EGFR: variants seen among roughly 807,000 people sequenced by gnomAD.
EGFR encodes the protein avian erythroblastic leukemia viral (v-erb-b) oncogene homolog.
Under a neutral mutation model 143.0 loss-of-function variants are expected in EGFR, and 58 were observed. That is an observed-to-expected ratio of 0.41 (90% CI 0.33 to 0.50). The LOEUF is 0.50. Ranked by LOEUF, EGFR falls within the 20% of genes least tolerant of loss-of-function variation. The pLI is 0.39. For missense variants in EGFR, 1,307 were observed against 1,579.0 expected, an observed-to-expected ratio of 0.83 and a Z score of 2.92; for synonymous variants, 613 against 594.4, an observed-to-expected ratio of 1.03 and a Z score of -0.45.
chr7:55,170,427 C>T (rs369256206), intron 15 of EGFR: 2 of 1,614,156 alleles, frequency 1.2e-6, no homozygotes, highest in Non-Finnish European at 8.5e-7. Flanking sequence ...AGGAGTCATG[C>T]TTAGGATGGA....
At chr7:55,021,418 T>C (rs1286229504) in intron 1 of EGFR, among the ~76,000 whole-genome samples, 2 of 152,250 alleles carry the variant, frequency 1.3e-5, no homozygotes, top group African/African-American at 4.8e-5. Context: ...TTCTTTGATG[T>C]TACTTGTTTG....
chr7:55,117,951 C>T (rs530217394), intron 1 of EGFR, among the ~76,000 whole-genome samples: 38 of 152,198 alleles, frequency 2.5e-4, no homozygotes, highest in African/African-American at 8.4e-4. Flanking sequence ...GAACTGGGCC[C>T]CCAGAAAAGG....
intron 1 of EGFR, among the ~76,000 whole-genome samples, chr7:55,067,834 A>G (rs1419065123): frequency 1.3e-5 from 2 of 151,094 alleles, no homozygotes; most frequent in East Asian, 1.9e-4. Context: ...ATGTGTGTGT[A>G]TGTGTGCACG....
chr7:55,076,236 A>G (rs1790124090), intron 1 of EGFR, among the ~76,000 whole-genome samples: 1 of 152,228 alleles, frequency 6.6e-6, no homozygotes, highest in Non-Finnish European at 1.5e-5. Context: ...TATGATTCTC[A>G]GTACAAATGA....
intron 1 of EGFR, among the ~76,000 whole-genome samples, chr7:55,054,732 C>T (rs1788691590): frequency 6.6e-6 from 1 of 152,224 alleles, no homozygotes. Context: ...CAGTGGGCAG[C>T]ACCGTGCCTC....
chr7:55,052,807 A>G (rs60503921), intron 1 of EGFR, among the ~76,000 whole-genome samples: 17,189 of 152,182 alleles, frequency 0.11, 2,124 homozygotes, highest in African/African-American at 0.31. Flanking sequence ...TGGCTTCTGG[A>G]GCACTGTAAT....
chr7:55,059,697 C>A (rs1470412589), intron 1 of EGFR, among the ~76,000 whole-genome samples: 1 of 151,886 alleles, frequency 6.6e-6, no homozygotes, highest in Non-Finnish European at 1.5e-5. Flanking sequence ...TCTTATTCTG[C>A]CTTATTGTAT....
At chr7:55,062,635 CAA>C (rs1020016059) in intron 1 of EGFR, among the ~76,000 whole-genome samples, 1 of 152,066 alleles carries the variant, frequency 6.6e-6, no homozygotes, top group Non-Finnish European at 1.5e-5. Context: ...GATAAGCAAC[CAA>C]AGAGTCCCAT....
rs1786377810 is a variant in EGFR, at chr7:55,019,384, G to A, written c.88+19G>A. The A allele has an allele frequency of 7.1e-6, 10 of 1,404,874 alleles. No homozygotes were observed. Among genetic ancestry groups the A allele is most frequent in the East Asian group, 6.7e-5 (2 of 30,066 alleles). 87.0% of individuals were successfully genotyped at this position (1,404,874 alleles called of 1,614,324 possible). On this transcript the variant is annotated intron_variant, in intron 1 of 27. Coordinates refer to ENST00000275493, the MANE Select transcript of EGFR (RefSeq NM_005228.5). ...AAGAAAGGTAAGGGCGTGTCTCGCCGGCTCCCGCGCCGCCCCCGGATCGCG... is the reference window on the plus strand; with the variant it reads ...AAGAAAGGTAAGGGCGTGTCTCGCCAGCTCCCGCGCCGCCCCCGGATCGCG...
rs2128964683 is a variant in EGFR, at chr7:55,191,849, A to G, written c.2600A>G (p.Lys867Arg). 1 of 1,614,010 alleles carries G rather than the reference A, an allele frequency of 6.2e-7. No individual in the cohort carries two copies. The highest frequency in any genetic ancestry group is 8.5e-7 in the Non-Finnish European group (1 of 1,180,018). Residue 867 changes from lysine (K) to arginine (R), a missense_variant, in exon 21 of 28, where the codon AAA becomes AGA. Transcript: ENST00000275493. ...GLAKLLGAEE[K>R]EYHAEGGKVP... ...GCCAAACTGCTGGGTGCGGAAGAGAAAGAATACCATGCAGAAGGAGGCAAA... is the reference window on the plus strand; with the variant it reads ...GCCAAACTGCTGGGTGCGGAAGAGAGAGAATACCATGCAGAAGGAGGCAAA...
intron 3 of EGFR, 95 bp downstream of exon 3, chr7:55,143,583 A>G: frequency 7.0e-7 from 1 of 1,427,930 alleles, no homozygotes; most frequent in South Asian, 1.2e-5. Context: ...CACCTCGGAG[A>G]AGGCTTTTAT....
intron 24 of EGFR, chr7:55,200,835 G>A (rs1787815037): frequency 2.1e-6 from 1 of 477,706 alleles, no homozygotes; most frequent in Non-Finnish European, 3.8e-6. Context: ...AAGCTCACAG[G>A]ATTGTCTCAA....
At chr7:55,096,771 C>T (rs921237828) in intron 1 of EGFR, among the ~76,000 whole-genome samples, 2 of 152,154 alleles carry the variant, frequency 1.3e-5, no homozygotes, top group African/African-American at 4.8e-5. Context: ...ACCTGTCAGC[C>T]CCTGCCAGCT....
At chr7:55,032,336 G>A (rs1438380290) in intron 1 of EGFR, among the ~76,000 whole-genome samples, 1 of 152,182 alleles carries the variant, frequency 6.6e-6, no homozygotes. Context: ...GTCTGAGGAC[G>A]CAGCTTAGCA....
chr7:55,204,748 CACAT>C lies in EGFR; in HGVS notation c.3272-500_3272-497del, dbSNP rs370369911. ...CACCACACACACACAACTCATACCA[CACAT>C]ACATACACAATAGACACATACACAC... On this transcript the variant is annotated intron_variant, in intron 27 of 27. Transcript: ENST00000275493. Among the ~76,000 whole-genome samples, 124 of 147,954 alleles carry C rather than the reference CACAT, an allele frequency of 8.4e-4. 1 individual carries two copies. The East Asian group carries it at 0.023, about 28-fold the overall frequency.
chr7:55,118,018 C>T (rs1253500860), intron 1 of EGFR, among the ~76,000 whole-genome samples: 1 of 152,168 alleles, frequency 6.6e-6, no homozygotes, highest in Non-Finnish European at 1.5e-5. Flanking sequence ...CTCGGCGTGT[C>T]TATAAATTAG....
chr7:55,030,078 C>A (rs1290210090), intron 1 of EGFR, among the ~76,000 whole-genome samples: 3 of 152,164 alleles, frequency 2.0e-5, no homozygotes, highest in African/African-American at 7.2e-5. Flanking sequence ...GGGACCCAGG[C>A]TCAGAGCGAT....
chr7:55,150,517 T>C (rs1041644692), intron 4 of EGFR, among the ~76,000 whole-genome samples: 1 of 152,212 alleles, frequency 6.6e-6, no homozygotes, highest in Non-Finnish European at 1.5e-5. Context: ...TCGGGACCCA[T>C]GAACACCTCT....
rs142578396 is a variant in EGFR, at chr7:55,138,030, A to G, written c.89-4256A>G. Among the ~76,000 whole-genome samples, 75 of 152,348 alleles carry G rather than the reference A, an allele frequency of 4.9e-4. 1 individual carries two copies. The highest frequency in any genetic ancestry group is 1.8e-3 in the African/African-American group (74 of 41,584). On this transcript the variant is annotated intron_variant, in intron 1 of 27. Transcript: ENST00000275493. ...TTGAACTCTGGTTAGTGATATACCA[A>G]TGTGAAGTATAGTGATATCTCTACT...
Sources: allele counts gnomAD v4.1 joint callset (sites outside exome capture counted in the v4.1 genomes callset), GRCh38; gene constraint gnomAD v4.1.1; transcripts MANE v1.5; gene names NCBI Gene and HGNC (gene_info 2026-07-23, HGNC 2026-07-21).